The following AR variants were observed in gnomAD, a reference collection of about 807,000 sequenced individuals.
AR encodes androgen receptor, also known as dihydrotestosterone receptor.
In AR, 8 loss-of-function variants were observed where a neutral mutation model predicts 53.9. That is an observed-to-expected ratio of 0.15 (90% CI 0.09 to 0.27). The LOEUF is 0.27. Ranked by LOEUF, AR falls within the 10% of genes least tolerant of loss-of-function variation. The pLI is 1.00. For missense variants in AR, 639 were observed against 742.5 expected (o/e 0.86, Z 1.62); for synonymous variants, 359 against 316.4 (o/e 1.13, Z -1.43).
At chrX:67,663,593 A>G (rs1237001981) in intron 2 of AR, among the ~76,000 whole-genome samples, 2 of 111,469 alleles carry the variant, frequency 1.8e-5, no homozygotes, top group Non-Finnish European at 3.8e-5. Context: ...GAATCTGACA[A>G]TTATGTGTCT....
At chrX:67,686,240 T>C in intron 3 of AR, 114 bp downstream of exon 3, 1 of 839,963 alleles carries the variant, frequency 1.2e-6, no homozygotes, top group Non-Finnish European at 1.7e-6. Flanking sequence ...GGACCAGCCA[T>C]GCTCTAGACA....
chrX:67,573,467 A>G (rs1015080494), intron 1 of AR, among the ~76,000 whole-genome samples: 2 of 111,666 alleles, frequency 1.8e-5, no homozygotes, highest in African/African-American at 6.5e-5. Flanking sequence ...CAGGTTTGGC[A>G]CAAATGGATT....
Position 67,717,463 on chromosome X carries a change from C to A in AR, c.2174-15C>A. 1 of 1,211,366 alleles carries A rather than the reference C, an allele frequency of 8.3e-7. No homozygotes were observed. Among genetic ancestry groups the A allele is most frequent in the Non-Finnish European group, 1.1e-6 (1 of 895,414 alleles). The stretch of plus-strand genomic sequence containing the variant: ...GTACCCAGACTGACCACTGCCTCTG[C>A]CTCTTCTTCTCCAGGCTTCCGCAAC... On this transcript the variant is annotated splice_polypyrimidine_tract_variant and intron_variant, in intron 4 of 7. Coordinates refer to ENST00000374690, the MANE Select transcript of AR (RefSeq NM_000044.6).
rs1924050861 is a variant in AR at position 67,615,053 on chromosome X, G to A, written c.1617-28203G>A. On this transcript the variant is annotated intron_variant, in intron 1 of 7. Coordinates refer to ENST00000374690, the MANE Select transcript of AR (RefSeq NM_000044.6). ...TATAGATTATTCATTTTGAAGGGTA[G>A]AAAGAAAAAAAGAATGAAGAAAACT... Among the ~76,000 whole-genome samples, 3 of 109,147 alleles carry A rather than the reference G, an allele frequency of 2.7e-5. No homozygotes were observed. In the South Asian group the frequency reaches 1.2e-3, roughly 42 times the overall value. The allele number at this position is 109,147 out of a possible 115,157, so 94.8% of individuals were successfully genotyped here.
At chrX:67,681,964 G>A (rs1355643152) in intron 2 of AR, among the ~76,000 whole-genome samples, 17 of 111,798 alleles carry the variant, frequency 1.5e-4, no homozygotes, top group African/African-American at 5.5e-4. Context: ...ACAGAATGAA[G>A]GACAAAAACT....
At chrX:67,684,328 T>C (rs2075953700) in intron 2 of AR, among the ~76,000 whole-genome samples, 2 of 112,252 alleles carry the variant, frequency 1.8e-5, no homozygotes. Flanking sequence ...GTTCTATTTA[T>C]GCAAATAAAA....
rs141818946 is a variant in AR, at chrX:67,697,129, A to G, written c.1885+11003A>G. Among the ~76,000 whole-genome samples the G allele has an allele frequency of 4.7e-3, 528 of 111,935 alleles. 4 individuals carry two copies. Among genetic ancestry groups the G allele is most frequent in the African/African-American group, 0.016 (499 of 30,807 alleles). ...ATACTGCTGTTCTTGTTTGAAAGGA[A>G]GTGGGGTGCTTGGAGCCACATGCTC... On this transcript the variant is annotated intron_variant, in intron 3 of 7. Transcript: ENST00000374690.
intron 2 of AR, among the ~76,000 whole-genome samples, chrX:67,679,801 A>T (rs2147489206): frequency 8.9e-6 from 1 of 111,783 alleles, no homozygotes; most frequent in Admixed American, 9.5e-5. Context: ...TATCGAATAT[A>T]TTGACCATTG....
At chrX:67,714,641 A>C (rs907203266) in intron 4 of AR, among the ~76,000 whole-genome samples, 1 of 112,290 alleles carries the variant, frequency 8.9e-6, no homozygotes, top group African/African-American at 3.2e-5. Flanking sequence ...CAGAGTCTCA[A>C]AGAAACTGCT....
intron 2 of AR, among the ~76,000 whole-genome samples, chrX:67,676,307 A>G (rs1246752404): frequency 8.9e-6 from 1 of 112,122 alleles, no homozygotes; most frequent in Non-Finnish European, 1.9e-5. Flanking sequence ...CTGCAGTAAC[A>G]TTGGAATCAT....
intron 1 of AR, among the ~76,000 whole-genome samples, chrX:67,626,855 C>T (rs1268937522): frequency 1.1e-5 from 1 of 94,181 alleles, no homozygotes; most frequent in Non-Finnish European, 2.1e-5. Context: ...TGTTCAATTC[C>T]CACCTATGAG....
chrX:67,666,883 T>A (rs972910803), intron 2 of AR, among the ~76,000 whole-genome samples: 1 of 111,257 alleles, frequency 9.0e-6, no homozygotes, highest in Non-Finnish European at 1.9e-5. Context: ...TACCCAGATC[T>A]TTTGCCCATT....
chrX:67,550,999 G>T (rs62604347), intron 1 of AR, among the ~76,000 whole-genome samples: 1 of 75,681 alleles, frequency 1.3e-5, no homozygotes, highest in African/African-American at 1.1e-4. Context: ...ATGAATAGCT[G>T]GGTTTTTTTT....
intron 1 of AR, among the ~76,000 whole-genome samples, chrX:67,597,327 A>G: frequency 9.0e-6 from 1 of 111,637 alleles, no homozygotes; most frequent in Middle Eastern, 4.6e-3. Flanking sequence ...TGCTGACCTC[A>G]GCTCTTGAAC....
chrX:67,697,745 G>A (rs769291659), intron 3 of AR, among the ~76,000 whole-genome samples: 1 of 111,627 alleles, frequency 9.0e-6, no homozygotes, highest in East Asian at 2.8e-4. Context: ...GAGAAAAACT[G>A]AGGTGTAGGA....
intron 1 of AR, among the ~76,000 whole-genome samples, chrX:67,641,008 T>A (rs776659687): frequency 9.0e-6 from 1 of 111,527 alleles, no homozygotes; most frequent in East Asian, 2.8e-4. Flanking sequence ...AATATCTCGA[T>A]CACCACTATA....
At chrX:67,579,748 C>G (rs1285189320) in intron 1 of AR, among the ~76,000 whole-genome samples, 1 of 111,886 alleles carries the variant, frequency 8.9e-6, no homozygotes, top group African/African-American at 3.2e-5. Flanking sequence ...CTCAAGCTCA[C>G]TCTCGTTGGC....
intron 1 of AR, among the ~76,000 whole-genome samples, chrX:67,606,726 A>T (rs1926925): frequency 0.07 from 7,899 of 112,239 alleles, 699 homozygotes; most frequent in African/African-American, 0.24. Context: ...ATTAGTTTGT[A>T]TGCCTTTAGA....
intron 1 of AR, among the ~76,000 whole-genome samples, chrX:67,631,235 T>C (rs1157183395): frequency 1.8e-5 from 2 of 111,654 alleles, no homozygotes; most frequent in Non-Finnish European, 3.8e-5. Context: ...TGCAGAGTGT[T>C]TTCCAACTTG....
Sources: gnomAD v4.1 joint callset for allele counts (sites outside exome capture counted in the v4.1 genomes callset) on GRCh38, gnomAD v4.1.1 for gene constraint, MANE v1.5 for transcripts, NCBI Gene and HGNC (gene_info 2026-07-23, HGNC 2026-07-21) for gene names.